LDB2: variants seen among roughly 807,000 people sequenced by gnomAD.
LDB2 encodes LIM domain binding 2.
A neutral mutation model predicts 44.3 loss-of-function variants in LDB2; 12 were observed. The ratio of observed to expected loss-of-function variants is 0.27; its 90% CI spans 0.17 to 0.44. The LOEUF is 0.44. Ranked by LOEUF, LDB2 falls within the 20% of genes least tolerant of loss-of-function variation. The pLI is 1.00. For synonymous variants in LDB2, 164 were observed against 174.8 expected (o/e 0.94, Z 0.49); for missense variants, 344 against 473.5 (o/e 0.73, Z 2.54).
chr4:16,560,630 C>A (rs1328591502), intron 5 of LDB2, among the ~76,000 whole-genome samples: 1 of 152,160 alleles, frequency 6.6e-6, no homozygotes, highest in Non-Finnish European at 1.5e-5. Context: ...CCGAATTCTA[C>A]CAGAGGTACA....
intron 5 of LDB2, among the ~76,000 whole-genome samples, chr4:16,584,902 G>A: frequency 6.6e-6 from 1 of 152,228 alleles, no homozygotes; most frequent in South Asian, 2.1e-4. Context: ...TCTTGCTATA[G>A]GGTGAGTGAC....
intron 1 of LDB2, among the ~76,000 whole-genome samples, chr4:16,762,553 C>T (rs1446336195): frequency 6.6e-6 from 1 of 152,172 alleles, no homozygotes; most frequent in South Asian, 2.1e-4. Context: ...AGGGGGAAAC[C>T]CCTTATAAAA....
intron 1 of LDB2, among the ~76,000 whole-genome samples, chr4:16,880,968 A>ATCCTTGG (rs1278750067): frequency 6.6e-6 from 1 of 151,916 alleles, no homozygotes; most frequent in Non-Finnish European, 1.5e-5. Context: ...ACCTCAAGAA[A>ATCCTTGG]TCCTTGGTGC....
At chr4:16,539,679 TCAAA>T (rs1439190552) in intron 5 of LDB2, among the ~76,000 whole-genome samples, 1 of 152,032 alleles carries the variant, frequency 6.6e-6, no homozygotes, top group Non-Finnish European at 1.5e-5. Context: ...CCAAAAGAGG[TCAAA>T]CAATGGTCTT....
At chr4:16,726,949 G>T in intron 2 of LDB2, among the ~76,000 whole-genome samples, 1 of 152,186 alleles carries the variant, frequency 6.6e-6, no homozygotes, top group East Asian at 1.9e-4. Flanking sequence ...TTATGTGTGT[G>T]TGTGTATAAT....
intron 2 of LDB2, among the ~76,000 whole-genome samples, chr4:16,731,030 T>C (rs1172960876): frequency 6.6e-6 from 1 of 152,130 alleles, no homozygotes; most frequent in African/African-American, 2.4e-5. Context: ...GACTTACCAC[T>C]GGAGACAGAA....
chr4:16,767,736 A>G (rs757754386), intron 1 of LDB2, among the ~76,000 whole-genome samples: 79 of 152,324 alleles, frequency 5.2e-4, no homozygotes, highest in Non-Finnish European at 4.7e-4. Context: ...CCATATTTTA[A>G]TTAGGAAAAA....
intron 1 of LDB2, among the ~76,000 whole-genome samples, chr4:16,876,136 C>T (rs1028271477): frequency 3.3e-5 from 5 of 152,152 alleles, no homozygotes; most frequent in African/African-American, 9.7e-5. Flanking sequence ...GTTTCAGAAG[C>T]GCTCAAGGTT....
rs534372003 is a variant in LDB2 at position 16,592,399 on chromosome 4, G to A, written c.408+3304C>T. On this transcript the variant is annotated intron_variant, in intron 3 of 7. Coordinates refer to ENST00000304523, the MANE Select transcript of LDB2 (RefSeq NM_001290.5). ...GTAGTGCTTTTAGATTAACACTTGT[G>A]CAAAGCTCATTGTATTTTCCTTAGT... 3.9e-4 allele frequency among the ~76,000 whole-genome samples: 59 copies of A among 149,850 alleles called. No individual in the cohort carries two copies. The South Asian group carries it at 0.012, about 31-fold the overall frequency.
At position 16,887,941 on chromosome 4, in the gene LDB2, G is replaced by A. The variant is rs866861498; in HGVS notation, c.132+10413C>T. ...TGTAAAAAAAAAAGAGACAGGTAGC[G>A]TTACTACCCATCCACCTGATCCCTG... On this transcript the variant is annotated intron_variant, in intron 1 of 7. Coordinates refer to ENST00000304523, the MANE Select transcript of LDB2 (RefSeq NM_001290.5). 5.3e-5 allele frequency among the ~76,000 whole-genome samples: 8 copies of A among 151,978 alleles called. No homozygotes were observed. The East Asian group carries it at 5.8e-4, about 11-fold the overall frequency.
chr4:16,849,211 G>A (rs1787697874), intron 1 of LDB2, among the ~76,000 whole-genome samples: 1 of 152,136 alleles, frequency 6.6e-6, no homozygotes, highest in Non-Finnish European at 1.5e-5. Context: ...GATGCTCACA[G>A]GGCTGGCTTC....
intron 2 of LDB2, among the ~76,000 whole-genome samples, chr4:16,648,519 T>C (rs1170367107): frequency 1.3e-5 from 2 of 152,330 alleles, no homozygotes; most frequent in East Asian, 3.9e-4. Flanking sequence ...AGTAACTATA[T>C]AACACATCAT....
intron 1 of LDB2, among the ~76,000 whole-genome samples, chr4:16,894,968 A>G (rs929845403): frequency 4.6e-5 from 7 of 152,038 alleles, no homozygotes; most frequent in Non-Finnish European, 1.0e-4. Context: ...AAAATACATA[A>G]CGGAACTCAC....
At chr4:16,591,948 T>C (rs994287649) in intron 3 of LDB2, among the ~76,000 whole-genome samples, 3 of 152,144 alleles carry the variant, frequency 2.0e-5, no homozygotes, top group Non-Finnish European at 4.4e-5. Flanking sequence ...ACATTTTCTG[T>C]TGTGCTGAAT....
At chr4:16,829,177 T>G (rs1461695400) in intron 1 of LDB2, among the ~76,000 whole-genome samples, 1 of 152,192 alleles carries the variant, frequency 6.6e-6, no homozygotes, top group African/African-American at 2.4e-5. Context: ...CTCTAGGAAC[T>G]GTCACAGGGG....
intron 2 of LDB2, among the ~76,000 whole-genome samples, chr4:16,687,714 C>T (rs992374647): frequency 3.9e-5 from 6 of 152,118 alleles, no homozygotes; most frequent in African/African-American, 1.4e-4. Context: ...ACCCACCCTG[C>T]CTTTTCTCTG....
At chr4:16,585,874 A>G (rs1387784289) in intron 5 of LDB2, 48 bp downstream of exon 5, 3 of 1,421,060 alleles carry the variant, frequency 2.1e-6, no homozygotes, top group Non-Finnish European at 3.0e-6. Context: ...AAACCTCTGG[A>G]GTACTTTTCA....
chr4:16,741,782 T>G (rs1346508609), intron 2 of LDB2, among the ~76,000 whole-genome samples: 1 of 152,242 alleles, frequency 6.6e-6, no homozygotes, highest in East Asian at 1.9e-4. Flanking sequence ...ACATATAGTT[T>G]GCTCAAAGCA....
At chr4:16,612,009 AC>A (rs1445565619) in intron 2 of LDB2, among the ~76,000 whole-genome samples, 3 of 152,162 alleles carry the variant, frequency 2.0e-5, no homozygotes, top group Non-Finnish European at 4.4e-5. Context: ...ATAATAACAA[AC>A]AGTCTCTCAG....
Sources: allele counts gnomAD v4.1 joint callset (sites outside exome capture counted in the v4.1 genomes callset), GRCh38; gene constraint gnomAD v4.1.1; transcripts MANE v1.5; gene names NCBI Gene and HGNC (gene_info 2026-07-23, HGNC 2026-07-21).